Variants in USH2A observed in about 807,000 individuals in gnomAD.
USH2A encodes usherin.
In USH2A, 443 loss-of-function variants were observed where a neutral mutation model predicts 538.9. That is an observed-to-expected ratio of 0.82 (90% confidence interval 0.76 to 0.89). USH2A has a LOEUF of 0.89. USH2A is among the 40% of genes least tolerant of loss of function. The pLI, the probability that USH2A is intolerant of heterozygous loss-of-function variation, is 0.00. For synonymous variants in USH2A, 2,413 were observed against 2,273.5 expected, an observed-to-expected ratio of 1.06 and a Z score of -1.75; for missense variants, 6,633 against 6,324.8, an observed-to-expected ratio of 1.05 and a Z score of -1.65.
chr1:215,954,250 A>G lies in USH2A; in HGVS notation c.7120+11067T>C, dbSNP rs527545838. Among the ~76,000 whole-genome samples, 49 of 152,270 alleles carry G rather than the reference A, an allele frequency of 3.2e-4. No homozygotes were observed. In the South Asian group the frequency reaches 9.5e-3, roughly 30 times the overall value. On this transcript the variant is annotated intron_variant, in intron 37 of 71. Coordinates refer to ENST00000307340, the MANE Select transcript of USH2A (RefSeq NM_206933.4). Reference sequence around the variant, plus strand: ...AGGGATTATAAATCATGCTGCTATAAAGACACATGCACACGTATGTTTATT... The same window carrying G: ...AGGGATTATAAATCATGCTGCTATAGAGACACATGCACACGTATGTTTATT...
chr1:215,709,645 TAA>T (rs5780846), intron 61 of USH2A, among the ~76,000 whole-genome samples: 19,455 of 126,626 alleles, frequency 0.15, 1,409 homozygotes, highest in East Asian at 0.29. Flanking sequence ...AGATAATTTG[TAA>T]AAAAAAAAAA....
chr1:216,153,869 A>T (rs192576746), intron 21 of USH2A, among the ~76,000 whole-genome samples: 1 of 152,318 alleles, frequency 6.6e-6, no homozygotes, highest in African/African-American at 2.4e-5. Context: ...CCTCCACTCA[A>T]CACATTTTAA....
intron 3 of USH2A, among the ~76,000 whole-genome samples, chr1:216,382,091 G>T (rs2038931831): frequency 6.6e-6 from 1 of 152,136 alleles, no homozygotes; most frequent in African/African-American, 2.4e-5. Flanking sequence ...ATCAAACTTT[G>T]TTTATTGAGA....
chr1:216,279,913 G>A (rs1203065035), intron 11 of USH2A, among the ~76,000 whole-genome samples: 1 of 151,998 alleles, frequency 6.6e-6, no homozygotes, highest in Non-Finnish European at 1.5e-5. Context: ...GCTATAGCAG[G>A]GACTCTGGGG....
intron 9 of USH2A, among the ~76,000 whole-genome samples, chr1:216,298,274 G>A (rs2037144194): frequency 6.6e-6 from 1 of 152,166 alleles, no homozygotes; most frequent in South Asian, 2.1e-4. Context: ...TTTGAGTTTG[G>A]TATATTGCCT....
chr1:216,210,942 G>A (rs1003553657), intron 15 of USH2A, among the ~76,000 whole-genome samples: 3 of 147,980 alleles, frequency 2.0e-5, no homozygotes, highest in African/African-American at 5.0e-5. Context: ...GATCGCCACT[G>A]CATTCCAGCC....
At chr1:216,242,024 T>G (rs1468860560) in intron 13 of USH2A, among the ~76,000 whole-genome samples, 1 of 152,096 alleles carries the variant, frequency 6.6e-6, no homozygotes, top group Non-Finnish European at 1.5e-5. Context: ...ATGTCTTATT[T>G]CCCTTGTTAA....
chr1:215,702,219 T>C (rs1265017364), intron 61 of USH2A, among the ~76,000 whole-genome samples: 1 of 152,210 alleles, frequency 6.6e-6, no homozygotes, highest in Non-Finnish European at 1.5e-5. Context: ...CCTTTGTAGG[T>C]AACCCGACCT....
intron 32 of USH2A, among the ~76,000 whole-genome samples, chr1:216,023,326 G>A (rs1024099417): frequency 1.3e-5 from 2 of 151,772 alleles, no homozygotes; most frequent in African/African-American, 4.8e-5. Context: ...CATGGATTTA[G>A]GAAAGGAAAG....
chr1:216,276,035 C>T (rs1303052965), intron 11 of USH2A, among the ~76,000 whole-genome samples: 2 of 152,102 alleles, frequency 1.3e-5, no homozygotes, highest in Non-Finnish European at 2.9e-5. Flanking sequence ...CTCTAACCTC[C>T]AGCTGGGCAT....
At chr1:216,078,451 A>C in intron 26 of USH2A, 89 bp from the exon 27 acceptor site, 1 of 1,299,666 alleles carries the variant, frequency 7.7e-7, no homozygotes, top group East Asian at 2.3e-5. Flanking sequence ...TTTCTTGAAG[A>C]AAAGCAAAAC....
intron 9 of USH2A, among the ~76,000 whole-genome samples, chr1:216,293,354 C>T (rs549238351): frequency 2.0e-5 from 3 of 152,224 alleles, no homozygotes; most frequent in East Asian, 3.9e-4. Context: ...TGAATTGTCA[C>T]GCTCCTTTCT....
At chr1:215,804,965 T>G (rs1191328568) in intron 49 of USH2A, among the ~76,000 whole-genome samples, 2 of 152,156 alleles carry the variant, frequency 1.3e-5, no homozygotes, top group African/African-American at 4.8e-5. Context: ...TAAAAAATGA[T>G]GAGTTCATGT....
intron 11 of USH2A, among the ~76,000 whole-genome samples, chr1:216,252,228 T>C (rs2036176679): frequency 6.6e-6 from 1 of 152,230 alleles, no homozygotes; most frequent in Non-Finnish European, 1.5e-5. Context: ...GACATATGTA[T>C]ATAAAATGTC....
chr1:216,333,605 A>G (rs2037911729), intron 4 of USH2A, among the ~76,000 whole-genome samples: 1 of 152,102 alleles, frequency 6.6e-6, no homozygotes. Context: ...GCATCCAAGA[A>G]GCTCAATGAA....
chr1:215,678,520 G>A (rs531602159), intron 62 of USH2A, among the ~76,000 whole-genome samples: 2 of 152,210 alleles, frequency 1.3e-5, no homozygotes, highest in African/African-American at 4.8e-5. Flanking sequence ...TCAGGACTCA[G>A]CTCAAATGTC....
chr1:215,736,130 A>G (rs1458769545), intron 60 of USH2A, among the ~76,000 whole-genome samples: 1 of 152,054 alleles, frequency 6.6e-6, no homozygotes, highest in Admixed American at 6.6e-5. Context: ...TTGCTTCTCT[A>G]TTTACCCCCT....
chr1:215,743,416 G>GTGTGTATATA (rs1491186893), intron 58 of USH2A, 81 bp from the exon 59 acceptor site: 1 of 226,520 alleles, frequency 4.4e-6, no homozygotes, highest in African/African-American at 3.2e-5. Context: ...GTGTGTGTGT[G>GTGTGTATATA]TATATATATA....
intron 37 of USH2A, among the ~76,000 whole-genome samples, chr1:215,959,370 A>C (rs1379932102): frequency 6.6e-6 from 1 of 152,098 alleles, no homozygotes. Context: ...TGAGCATTTA[A>C]CAATTTAAAA....
Sources: gnomAD v4.1 joint callset for allele counts (sites outside exome capture counted in the v4.1 genomes callset) on GRCh38, gnomAD v4.1.1 for gene constraint, MANE v1.5 for transcripts, NCBI Gene and HGNC (gene_info 2026-07-23, HGNC 2026-07-21) for gene names.